Variants in INPP5F observed in about 807,000 individuals in gnomAD.
The protein encoded by INPP5F is inositol polyphosphate-5-phosphatase F.
Under a neutral mutation model 137.2 loss-of-function variants are expected in INPP5F, and 97 were observed. The ratio of observed to expected loss-of-function variants is 0.71; its 90% CI spans 0.60 to 0.84. The LOEUF (loss-of-function observed/expected upper bound fraction) is 0.84. Ranked by LOEUF, INPP5F falls within the 40% of genes least tolerant of loss-of-function variation. INPP5F has a pLI of 0.00. For missense variants in INPP5F, 1,271 were observed against 1,371.9 expected (o/e 0.93, Z 1.16); for synonymous variants, 504 against 476.9 (o/e 1.06, Z -0.74).
intron 1 of INPP5F, 81 bp from the exon 2 acceptor site, chr10:119,750,995 T>C (rs893110592): frequency 2.6e-5 from 24 of 918,336 alleles, no homozygotes; most frequent in African/African-American, 9.9e-5. Flanking sequence ...ATTGATTTTT[T>C]TTCAATACAC....
At chr10:119,773,979 T>C (rs1455416072) in intron 2 of INPP5F, among the ~76,000 whole-genome samples, 1 of 152,106 alleles carries the variant, frequency 6.6e-6, no homozygotes, top group Non-Finnish European at 1.5e-5. Flanking sequence ...TATTTAAATT[T>C]CCTGGCCGGG....
intron 1 of INPP5F, among the ~76,000 whole-genome samples, chr10:119,742,231 C>T (rs753471239): frequency 2.6e-5 from 4 of 151,726 alleles, no homozygotes; most frequent in Non-Finnish European, 5.9e-5. Flanking sequence ...TCTCAGCTCA[C>T]TGCAACCTCT....
intron 9 of INPP5F, among the ~76,000 whole-genome samples, chr10:119,803,187 A>C (rs1282365697): frequency 6.6e-6 from 1 of 152,174 alleles, no homozygotes; most frequent in Non-Finnish European, 1.5e-5. Flanking sequence ...AAAATTTTTT[A>C]AAGTTATGCT....
chr10:119,806,982 G>T (rs920754018), intron 12 of INPP5F, among the ~76,000 whole-genome samples: 2 of 151,958 alleles, frequency 1.3e-5, no homozygotes, highest in African/African-American at 4.8e-5. Context: ...CAGAAATGTG[G>T]TGTGTAGGCT....
rs370800381 is a variant in INPP5F at position 119,781,729 on chromosome 10, G to T, written c.273G>T (p.Val91=). 4 of 1,610,434 alleles carry T rather than the reference G, an allele frequency of 2.5e-6. No individual in the cohort carries two copies. The highest frequency in any genetic ancestry group is 2.7e-5 in the African/African-American group (2 of 74,850). Reference sequence around the variant, plus strand: ...TCTGTAAAGTTACCAAAATTGCTGTGCTCTCACTTTCTGAAATGGAACCTC... The same window carrying T: ...TCTGTAAAGTTACCAAAATTGCTGTTCTCTCACTTTCTGAAATGGAACCTC... ...HEVCKVTKIA[V]LSLSEMEPQD... Residue 91 remains valine, a synonymous_variant, in exon 3 of 20, where the codon GTG becomes GTT. Coordinates refer to ENST00000650623, the MANE Select transcript of INPP5F (RefSeq NM_014937.4).
At chr10:119,736,542 G>C (rs919853274) in intron 1 of INPP5F, among the ~76,000 whole-genome samples, 14 of 152,278 alleles carry the variant, frequency 9.2e-5, no homozygotes, top group African/African-American at 2.9e-4. Context: ...ACCTTTCATA[G>C]TTGTATTCAT....
At chr10:119,825,394 G>A (rs1851717896) in intron 19 of INPP5F, among the ~76,000 whole-genome samples, 1 of 152,102 alleles carries the variant, frequency 6.6e-6, no homozygotes, top group Admixed American at 6.5e-5. Flanking sequence ...GAGTGATATG[G>A]CATTTAAAAT....
intron 2 of INPP5F, among the ~76,000 whole-genome samples, chr10:119,771,855 T>G (rs952367340): frequency 3.1e-3 from 22 of 7,042 alleles, no homozygotes; most frequent in South Asian, 0.011. Context: ...GATATATATA[T>G]ATATATATAT....
chr10:119,729,727 G>C (rs1376217637), intron 1 of INPP5F, among the ~76,000 whole-genome samples: 1 of 150,672 alleles, frequency 6.6e-6, no homozygotes, highest in Non-Finnish European at 1.5e-5. Flanking sequence ...ACATGTGTGT[G>C]CTACCACACC....
intron 1 of INPP5F, among the ~76,000 whole-genome samples, chr10:119,728,598 AG>A (rs1847958384): frequency 6.6e-6 from 1 of 152,236 alleles, no homozygotes; most frequent in Middle Eastern, 3.2e-3. Context: ...AGCTCAAAAA[AG>A]CTTGTGGGCA....
rs543397241 is a variant in INPP5F, at chr10:119,742,076, G to A, written c.98-9000G>A. On this transcript the variant is annotated intron_variant, in intron 1 of 19. Transcript: ENST00000650623. ...CCTCAAGTTCTTCAGCCTCATTCTG[G>A]TCTCCCAAAATGCTGGGTTTACAGG... Among the ~76,000 whole-genome samples the A allele has an allele frequency of 2.0e-5, 3 of 152,230 alleles. No homozygotes were observed. The East Asian group carries it at 5.8e-4, about 29-fold the overall frequency.
rs548639667 is a variant in INPP5F, at chr10:119,764,261, C to T, written c.178+13105C>T. Among the ~76,000 whole-genome samples the T allele has an allele frequency of 3.3e-5, 5 of 152,308 alleles. No homozygotes were observed. In the South Asian group the frequency reaches 1.0e-3, roughly 32 times the overall value. Reference sequence around the variant, plus strand: ...GATGTTTGTTATAGCAGCACCCCTGCTGCTTGGTACCAAAATCTCGATTAG... The same window carrying T: ...GATGTTTGTTATAGCAGCACCCCTGTTGCTTGGTACCAAAATCTCGATTAG... On this transcript the variant is annotated intron_variant, in intron 2 of 19. Coordinates refer to ENST00000650623, the MANE Select transcript of INPP5F (RefSeq NM_014937.4).
intron 1 of INPP5F, among the ~76,000 whole-genome samples, chr10:119,729,770 A>G (rs1398940292): frequency 2.8e-5 from 4 of 141,896 alleles, no homozygotes; most frequent in Non-Finnish European, 6.0e-5. Flanking sequence ...TTTTTGGTAG[A>G]GATGGAGTCT....
intron 15 of INPP5F, 37 bp from the exon 16 acceptor site, chr10:119,820,809 A>G (rs763171407): frequency 6.6e-7 from 1 of 1,518,766 alleles, no homozygotes; most frequent in Non-Finnish European, 9.1e-7. Flanking sequence ...GCAGATGGAA[A>G]TGAAAATACT....
At chr10:119,752,244 G>A (rs1377102629) in intron 2 of INPP5F, among the ~76,000 whole-genome samples, 2 of 152,200 alleles carry the variant, frequency 1.3e-5, no homozygotes, top group Admixed American at 6.5e-5. Flanking sequence ...CAGATGTGCG[G>A]TAAGGTTGTT....
At chr10:119,754,208 G>A (rs188184081) in intron 2 of INPP5F, among the ~76,000 whole-genome samples, 49 of 152,350 alleles carry the variant, frequency 3.2e-4, no homozygotes, top group African/African-American at 9.4e-4. Context: ...AGATCAGACC[G>A]TGCTCCAGAG....
intron 6 of INPP5F, among the ~76,000 whole-genome samples, chr10:119,794,582 T>C (rs1301301290): frequency 4.7e-5 from 7 of 149,940 alleles, no homozygotes; most frequent in South Asian, 4.3e-4. Flanking sequence ...CTCCTCACTT[T>C]CCAGTAGGGG....
intron 9 of INPP5F, 81 bp downstream of exon 9, chr10:119,798,691 G>A (rs1164490492): frequency 2.4e-6 from 2 of 834,412 alleles, no homozygotes; most frequent in South Asian, 3.4e-5. Flanking sequence ...AAATAACATT[G>A]TACTATTCAA....
intron 3 of INPP5F, among the ~76,000 whole-genome samples, chr10:119,789,124 C>CTGAG (rs2134199033): frequency 6.6e-6 from 1 of 151,762 alleles, no homozygotes; most frequent in East Asian, 1.9e-4. Context: ...ACTCGGGAGG[C>CTGAG]TGAGGCAGGA....
Sources: allele counts gnomAD v4.1 joint callset (sites outside exome capture counted in the v4.1 genomes callset), GRCh38; gene constraint gnomAD v4.1.1; transcripts MANE v1.5; gene names NCBI Gene and HGNC (gene_info 2026-07-23, HGNC 2026-07-21).